Variants in KCNB2 observed in about 807,000 individuals in gnomAD.
KCNB2 encodes the protein delayed rectifier potassium channel protein.
Under a neutral mutation model 61.5 loss-of-function variants are expected in KCNB2, and 15 were observed. That is an observed-to-expected ratio of 0.24 (90% CI 0.16 to 0.38). The LOEUF is 0.38. Ranked by LOEUF, KCNB2 falls within the 10% of genes least tolerant of loss-of-function variation. The pLI, the probability that KCNB2 is intolerant of heterozygous loss-of-function variation, is 1.00. For missense variants in KCNB2, 828 were observed against 1,125.2 expected (o/e 0.74, Z 3.78); for synonymous variants, 457 against 446.0 (o/e 1.02, Z -0.31).
chr8:72,872,124 G>A (rs972965940), intron 2 of KCNB2, among the ~76,000 whole-genome samples: 2 of 152,202 alleles, frequency 1.3e-5, no homozygotes, highest in African/African-American at 4.8e-5. Context: ...CACACAGCCT[G>A]TTGAATCCTT....
At chr8:72,662,840 TA>T (rs1291962432) in intron 2 of KCNB2, among the ~76,000 whole-genome samples, 11 of 152,208 alleles carry the variant, frequency 7.2e-5, no homozygotes, top group African/African-American at 2.4e-4. Context: ...GAGATTTTCA[TA>T]ATCCATACAT....
chr8:72,779,500 A>G (rs2128997789), intron 2 of KCNB2, among the ~76,000 whole-genome samples: 1 of 152,308 alleles, frequency 6.6e-6, no homozygotes, highest in South Asian at 2.1e-4. Context: ...GCTGAAAACT[A>G]CTTAGAACCT....
At chr8:72,588,663 G>A (rs914663870) in intron 2 of KCNB2, among the ~76,000 whole-genome samples, 1 of 152,032 alleles carries the variant, frequency 6.6e-6, no homozygotes, top group South Asian at 2.1e-4. Context: ...AGAGGCGAAG[G>A]CAGGAAGATT....
chr8:72,794,106 C>T (rs529350969), intron 2 of KCNB2, among the ~76,000 whole-genome samples: 3 of 152,056 alleles, frequency 2.0e-5, no homozygotes, highest in African/African-American at 7.2e-5. Context: ...ATGAGGAAAG[C>T]GGTTAAGAGA....
At chr8:72,539,286 C>G (rs905166452) in intron 1 of KCNB2, among the ~76,000 whole-genome samples, 1 of 152,160 alleles carries the variant, frequency 6.6e-6, no homozygotes, top group Non-Finnish European at 1.5e-5. Flanking sequence ...AAAGTGCTTA[C>G]TTGTGTGATT....
At chr8:72,686,929 G>A (rs1806863008) in intron 2 of KCNB2, among the ~76,000 whole-genome samples, 2 of 152,172 alleles carry the variant, frequency 1.3e-5, no homozygotes, top group African/African-American at 2.4e-5. Context: ...TGGATGGCAT[G>A]AAATAATGAG....
At chr8:72,599,131 G>T (rs567332355) in intron 2 of KCNB2, among the ~76,000 whole-genome samples, 2 of 151,968 alleles carry the variant, frequency 1.3e-5, no homozygotes, top group Non-Finnish European at 2.9e-5. Flanking sequence ...AAAAGAGCCC[G>T]CATCGCCAAG....
chr8:72,617,615 A>G (rs1050659843), intron 2 of KCNB2, among the ~76,000 whole-genome samples: 2 of 149,632 alleles, frequency 1.3e-5, no homozygotes, highest in African/African-American at 4.9e-5. Flanking sequence ...AAAAAAAATG[A>G]CAGTAGACTA....
intron 2 of KCNB2, among the ~76,000 whole-genome samples, chr8:72,758,724 G>A (rs1190177294): frequency 1.3e-5 from 2 of 152,168 alleles, no homozygotes; most frequent in Non-Finnish European, 1.5e-5. Flanking sequence ...AAGTTCTAGC[G>A]GTACTTTTGC....
intron 2 of KCNB2, among the ~76,000 whole-genome samples, chr8:72,920,488 T>TATATATATATATATATATATATA (rs57048446): frequency 7.3e-6 from 1 of 137,206 alleles, no homozygotes; most frequent in African/African-American, 2.6e-5. Flanking sequence ...TATATATATA[T>TATATATATATATATATATATATA]TAGCTGGCCA....
chr8:72,928,157 A>G (rs1806692091), intron 2 of KCNB2, among the ~76,000 whole-genome samples: 1 of 151,916 alleles, frequency 6.6e-6, no homozygotes, highest in Non-Finnish European at 1.5e-5. Context: ...AAAACTGATA[A>G]GGAGAAAAGT....
chr8:72,864,415 T>G (rs1217014189), intron 2 of KCNB2, among the ~76,000 whole-genome samples: 1 of 152,220 alleles, frequency 6.6e-6, no homozygotes, highest in East Asian at 1.9e-4. Flanking sequence ...ATTCTAAAGC[T>G]ATTCTCTTTT....
intron 2 of KCNB2, among the ~76,000 whole-genome samples, chr8:72,897,149 G>T (rs1019330805): frequency 2.6e-5 from 4 of 151,942 alleles, no homozygotes; most frequent in South Asian, 2.1e-4. Flanking sequence ...GTGTGACTGA[G>T]ACCACACCTT....
chr8:72,588,802 G>A (rs143695229), intron 2 of KCNB2, among the ~76,000 whole-genome samples: 1,864 of 152,150 alleles, frequency 0.012, 33 homozygotes, highest in African/African-American at 0.042. Flanking sequence ...AGGCTGAGGT[G>A]GGAGAATTGC....
chr8:72,595,064 A>C (rs1276617360), intron 2 of KCNB2, among the ~76,000 whole-genome samples: 6 of 152,078 alleles, frequency 3.9e-5, no homozygotes, highest in African/African-American at 1.2e-4. Flanking sequence ...TATTTTACAG[A>C]TCAGCCTTGC....
rs565586056 is a variant in KCNB2, at chr8:72,937,898, A to G, written c.2543A>G (p.Glu848Gly). Residue 848 changes from glutamate to glycine, a missense_variant, in exon 3 of 3, where the codon GAG becomes GGG. By Grantham distance (98) the Glu-to-Gly change is moderately conservative. This residue lies in a region of KCNB2 where 559 missense variants were observed against 588.4 expected (regional missense o/e 0.95). Coordinates refer to ENST00000523207, the MANE Select transcript of KCNB2 (RefSeq NM_004770.3). ...GATGGGAGAGACCCTTTAAGAGAAG[A>G]GGGCAGTGTGGGCTCTTCCTCCCCG... ...PSDGRDPLRE[E>G]GSVGSSSPQD... 2.5e-6 allele frequency: 4 copies of G among 1,614,082 alleles called. No homozygotes were observed. The African/African-American group carries it at 5.3e-5, about 22-fold the overall frequency.
intron 2 of KCNB2, among the ~76,000 whole-genome samples, chr8:72,589,618 C>G (rs60847241): frequency 6.6e-6 from 1 of 152,198 alleles, no homozygotes; most frequent in Non-Finnish European, 1.5e-5. Context: ...GTCTAATTAT[C>G]TAAACCTAGA....
intron 2 of KCNB2, among the ~76,000 whole-genome samples, chr8:72,710,972 G>A (rs939308738): frequency 1.9e-4 from 29 of 152,198 alleles, no homozygotes; most frequent in African/African-American, 7.0e-4. Context: ...AGTTATGCTA[G>A]TGACAAACAA....
chr8:72,713,707 G>A (rs1807367980), intron 2 of KCNB2, among the ~76,000 whole-genome samples: 2 of 152,094 alleles, frequency 1.3e-5, no homozygotes, highest in South Asian at 2.1e-4. Flanking sequence ...GCAAAGATGG[G>A]GAAAAAACAG....
Sources: gnomAD v4.1 joint callset for allele counts (sites outside exome capture counted in the v4.1 genomes callset) on GRCh38, gnomAD v4.1.1 for gene constraint, gnomAD v4.1.1 regional missense constraint, MANE v1.5 for transcripts, NCBI Gene and HGNC (gene_info 2026-07-23, HGNC 2026-07-21) for gene names.